DMD: variants seen among roughly 807,000 people sequenced by gnomAD.
The protein encoded by DMD is dystrophin.
DMD carries 63 observed loss-of-function variants against 330.1 expected under a neutral mutation model. The observed-to-expected ratio is 0.19, with a 90% CI of 0.16 to 0.24. The LOEUF is 0.24. Ranked by LOEUF, DMD falls within the 10% of genes least tolerant of loss-of-function variation. The probability of loss-of-function intolerance (pLI) is 1.00; values close to 1 mark genes in which losing one functional copy is unlikely to be tolerated. For missense variants in DMD, 3,344 were observed against 2,684.1 expected (o/e 1.25, Z -5.43); for synonymous variants, 1,223 against 959.8 (o/e 1.27, Z -5.07).
chrX:32,541,664 G>A (rs1035375984), intron 17 of DMD, among the ~76,000 whole-genome samples: 2 of 111,239 alleles, frequency 1.8e-5, no homozygotes, highest in African/African-American at 3.3e-5. Flanking sequence ...TGGAAGGTGG[G>A]AGGCAGGTGA....
chrX:32,541,376 C>A (rs1027176930), intron 17 of DMD, among the ~76,000 whole-genome samples: 1 of 111,552 alleles, frequency 9.0e-6, no homozygotes, highest in Non-Finnish European at 1.9e-5. Context: ...TGGTCTCCAC[C>A]ACCAAATAAG....
Position 31,951,122 on chromosome X carries a change from C to CATATAT in DMD, c.6614+17211_6614+17216dup, listed in dbSNP as rs767693982. On this transcript the variant is annotated intron_variant, in intron 45 of 78. Coordinates refer to ENST00000357033, the MANE Select transcript of DMD (RefSeq NM_004006.3). Reference sequence around the variant, plus strand: ...TTTAAACACACATACTATATATATACATATATATATATATATATGTGTATA... The same window carrying CATATAT: ...TTTAAACACACATACTATATATATACATATATATATATATATATATATATGTGTATA... Among the ~76,000 whole-genome samples the CATATAT allele has an allele frequency of 3.1e-3, 204 of 65,353 alleles. 4 individuals carry two copies. Among genetic ancestry groups the CATATAT allele is most frequent in the African/African-American group, 0.013 (187 of 14,474 alleles). The allele number at this position is 65,353 out of a possible 115,157, so 56.8% of individuals were successfully genotyped here. A position where few individuals can be genotyped will look rare whatever the true frequency, so the allele number is the denominator to read the frequency against.
intron 78 of DMD, among the ~76,000 whole-genome samples, chrX:31,122,277 T>C (rs2032755312): frequency 8.9e-6 from 1 of 112,035 alleles, no homozygotes; most frequent in South Asian, 3.7e-4. Flanking sequence ...AACAGGAATA[T>C]TCCATGATGG....
intron 30 of DMD, among the ~76,000 whole-genome samples, chrX:32,410,668 A>G (rs2098137954): frequency 8.9e-6 from 1 of 111,966 alleles, no homozygotes. Context: ...CACAACATGT[A>G]TATAAGATTT....
intron 49 of DMD, among the ~76,000 whole-genome samples, chrX:31,831,322 T>C (rs2093024663): frequency 8.9e-6 from 1 of 111,989 alleles, no homozygotes; most frequent in Admixed American, 9.5e-5. Flanking sequence ...AAAATATAAA[T>C]GTGCCAGGTA....
chrX:31,779,670 A>AGAT (rs766788630), intron 50 of DMD, among the ~76,000 whole-genome samples: 61 of 90,020 alleles, frequency 6.8e-4, no homozygotes, highest in Non-Finnish European at 1.5e-4. Flanking sequence ...CTAGGTAGAC[A>AGAT]GATAGATACA....
rs767334554 is a variant in DMD, at chrX:31,353,121, T to C, written c.9085-4487A>G. Among the ~76,000 whole-genome samples the C allele has an allele frequency of 2.3e-4, 26 of 110,950 alleles. No homozygotes were observed. In the East Asian group the frequency reaches 6.5e-3, roughly 28 times the overall value. ...AAAACAAATGCTATAGTCCCTGATCTCTGCAAGTGTAAAGGTTTGGAGGTA... is the reference window on the plus strand; with the variant it reads ...AAAACAAATGCTATAGTCCCTGATCCCTGCAAGTGTAAAGGTTTGGAGGTA... On this transcript the variant is annotated intron_variant, in intron 60 of 78. Transcript: ENST00000357033.
chrX:32,854,310 T>C (rs959289858), intron 2 of DMD, among the ~76,000 whole-genome samples: 3 of 111,800 alleles, frequency 2.7e-5, no homozygotes, highest in Non-Finnish European at 5.6e-5. Flanking sequence ...AAACAAGCCT[T>C]AAATTCAAAA....
chrX:33,130,692 C>A (rs986060726), intron 1 of DMD, among the ~76,000 whole-genome samples: 1 of 109,912 alleles, frequency 9.1e-6, no homozygotes, highest in Non-Finnish European at 1.9e-5. Context: ...GCAGCTGGGA[C>A]TACCATGCGC....
chrX:32,155,621 AT>A (rs1264414879), intron 44 of DMD, among the ~76,000 whole-genome samples: 1 of 111,724 alleles, frequency 9.0e-6, no homozygotes, highest in Non-Finnish European at 1.9e-5. Context: ...GATGGAGATT[AT>A]TTCTGGAAGC....
chrX:32,421,078 G>A (rs2098187653), intron 29 of DMD, among the ~76,000 whole-genome samples: 1 of 111,813 alleles, frequency 8.9e-6, no homozygotes, highest in South Asian at 3.8e-4. Flanking sequence ...TGTCTGGGAC[G>A]ACTGGTCCTT....
intron 61 of DMD, among the ~76,000 whole-genome samples, chrX:31,332,539 C>G (rs1387389489): frequency 8.9e-6 from 1 of 111,990 alleles, no homozygotes; most frequent in East Asian, 2.8e-4. Flanking sequence ...TACTAACATG[C>G]AAAGATTAAT....
intron 51 of DMD, among the ~76,000 whole-genome samples, chrX:31,759,795 G>A (rs932740046): frequency 1.8e-5 from 2 of 111,822 alleles, no homozygotes; most frequent in African/African-American, 6.5e-5. Context: ...ACCCTGGTAG[G>A]TACATCATGG....
At chrX:31,545,872 T>A (rs1301097116) in intron 55 of DMD, among the ~76,000 whole-genome samples, 4 of 112,235 alleles carry the variant, frequency 3.6e-5, no homozygotes, top group African/African-American at 1.3e-4. Flanking sequence ...AGTAATTCAC[T>A]TCATTCTAAT....
At chrX:31,929,556 C>T (rs765992560) in intron 47 of DMD, 40 bp downstream of exon 47, 6 of 1,202,497 alleles carry the variant, frequency 5.0e-6, no homozygotes, top group South Asian at 1.8e-5. Flanking sequence ...ATACTTGCAA[C>T]ATTTAACACA....
intron 1 of DMD, among the ~76,000 whole-genome samples, chrX:33,051,644 C>CTTTTTT (rs1569551755): frequency 1.2e-5 from 1 of 80,703 alleles, no homozygotes; most frequent in African/African-American, 6.1e-5. Context: ...TAATTACGCT[C>CTTTTTT]TATTTTTTTT....
chrX:32,438,669 C>G (rs1435000479), intron 28 of DMD, among the ~76,000 whole-genome samples: 1 of 111,700 alleles, frequency 9.0e-6, no homozygotes, highest in African/African-American at 3.3e-5. Context: ...ACTCTAAAAC[C>G]AGAAGAGGTA....
chrX:32,381,513 G>A (rs937666095), intron 33 of DMD, among the ~76,000 whole-genome samples: 3 of 110,841 alleles, frequency 2.7e-5, no homozygotes, highest in Non-Finnish European at 5.7e-5. Context: ...TCTACTAAAG[G>A]CAGTCAAATC....
chrX:32,618,267 C>T (rs947088738), intron 11 of DMD, among the ~76,000 whole-genome samples: 5 of 112,092 alleles, frequency 4.5e-5, no homozygotes, highest in African/African-American at 1.6e-4. Flanking sequence ...AACCTAAATG[C>T]TTATCAGTGG....
Sources: gnomAD v4.1 joint callset for allele counts (sites outside exome capture counted in the v4.1 genomes callset) on GRCh38, gnomAD v4.1.1 for gene constraint, MANE v1.5 for transcripts, NCBI Gene and HGNC (gene_info 2026-07-23, HGNC 2026-07-21) for gene names.